Variants in CEP70 observed in about 807,000 individuals in gnomAD.
CEP70 encodes centrosomal protein 70.
Under a neutral mutation model 90.9 loss-of-function variants are expected in CEP70, and 70 were observed. That is an observed-to-expected ratio of 0.77 (90% CI 0.64 to 0.94). CEP70 has a LOEUF of 0.94. Ranked by LOEUF, CEP70 falls within the 40% of genes least tolerant of loss-of-function variation. CEP70 has a pLI of 0.00. For missense variants in CEP70, 648 were observed against 669.0 expected, an observed-to-expected ratio of 0.97 and a Z score of 0.35; for synonymous variants, 220 against 228.3, an observed-to-expected ratio of 0.96 and a Z score of 0.33.
At chr3:138,580,061 G>T (rs769142134) in intron 2 of CEP70, among the ~76,000 whole-genome samples, 1 of 152,002 alleles carries the variant, frequency 6.6e-6, no homozygotes, top group Non-Finnish European at 1.5e-5. Context: ...GAACCTAGGC[G>T]GTACCCTGGC....
chr3:138,561,222 A>C (rs1410007381), intron 6 of CEP70, among the ~76,000 whole-genome samples: 1 of 151,880 alleles, frequency 6.6e-6, no homozygotes, highest in African/African-American at 2.4e-5. Context: ...CTGTTCTGCA[A>C]CCTCTGCTGG....
At chr3:138,539,100 C>T (rs1298813272) in intron 6 of CEP70, among the ~76,000 whole-genome samples, 4 of 152,140 alleles carry the variant, frequency 2.6e-5, no homozygotes, top group African/African-American at 9.7e-5. Context: ...GCAACTTCCA[C>T]GTCCTGGGTT....
chr3:138,546,367 TCTTGTCATCAGCAAGATATCA>T (rs1229364342), intron 6 of CEP70, among the ~76,000 whole-genome samples: 1 of 152,240 alleles, frequency 6.6e-6, no homozygotes, highest in Non-Finnish European at 1.5e-5. Flanking sequence ...CAATTTATTC[TCTTGTCATCAGCAAGATATCA>T]CTTGCCTGGT....
At chr3:138,531,768 G>A (rs539646489) in intron 8 of CEP70, 8 of 142,046 alleles carry the variant, frequency 5.6e-5, no homozygotes, top group African/African-American at 8.0e-5. Flanking sequence ...ACAGAGCTCT[G>A]CCATTATTCT....
intron 6 of CEP70, among the ~76,000 whole-genome samples, chr3:138,539,033 G>C (rs1450525980): frequency 6.6e-6 from 1 of 152,102 alleles, no homozygotes; most frequent in African/African-American, 2.4e-5. Context: ...TTGTTTGTTT[G>C]AGACAGAGTC....
At chr3:138,495,116 T>C (rs750186775) in intron 17 of CEP70, 40 bp from the exon 18 acceptor site, 6 of 1,223,650 alleles carry the variant, frequency 4.9e-6, no homozygotes, top group Admixed American at 1.8e-5. Context: ...AGAGTAACTT[T>C]TTCTAGTGGT....
At chr3:138,495,431 A>G (rs2033892418) in intron 17 of CEP70, among the ~76,000 whole-genome samples, 1 of 152,214 alleles carries the variant, frequency 6.6e-6, no homozygotes, top group South Asian at 2.1e-4. Context: ...ACATGATGAA[A>G]TCCCAGGTAG....
rs1189794231 is a variant in CEP70 at position 138,591,888 on chromosome 3, C to T, written c.-40G>A. 1.3e-6 allele frequency: 2 copies of T among 1,507,472 alleles called. No homozygotes were observed. The highest frequency in any genetic ancestry group is 2.1e-5 in the Admixed American group (1 of 46,602). 93.4% of individuals were successfully genotyped at this position (1,507,472 alleles called of 1,614,324 possible). The stretch of plus-strand genomic sequence containing the variant: ...AGCATATTACTCTTGCACTTTACAC[C>T]TGGTCATTCAGGTTGATCTCAATGA... On this transcript the variant is annotated 5_prime_UTR_variant, in exon 2 of 18. Transcript: ENST00000264982.
intron 12 of CEP70, 100 bp from the exon 13 acceptor site, chr3:138,505,565 CAT>C: frequency 1.6e-6 from 1 of 631,078 alleles, no homozygotes; most frequent in African/African-American, 1.9e-5. Flanking sequence ...ATTATATACA[CAT>C]ATTTCATTAA....
intron 11 of CEP70, among the ~76,000 whole-genome samples, chr3:138,508,995 A>G (rs2607791): frequency 3.3e-5 from 5 of 152,130 alleles, no homozygotes; most frequent in Non-Finnish European, 7.4e-5. Context: ...AGCCTCCCAA[A>G]GTGTTGGGAT....
chr3:138,536,746 T>C (rs1003499803), intron 7 of CEP70, among the ~76,000 whole-genome samples: 2 of 146,090 alleles, frequency 1.4e-5, no homozygotes, highest in Non-Finnish European at 3.0e-5. Flanking sequence ...TCAGCTAGGT[T>C]AAAAAAAAAA....
intron 2 of CEP70, among the ~76,000 whole-genome samples, chr3:138,586,846 T>C (rs541687349): frequency 1.3e-5 from 2 of 152,338 alleles, no homozygotes; most frequent in South Asian, 4.1e-4. Context: ...GGATTGTTTC[T>C]AACACAAAGG....
At chr3:138,568,423 G>A (rs2040932425) in intron 6 of CEP70, among the ~76,000 whole-genome samples, 1 of 152,046 alleles carries the variant, frequency 6.6e-6, no homozygotes, top group African/African-American at 2.4e-5. Flanking sequence ...AAGATAAATA[G>A]ATATCTTCCC....
At chr3:138,586,131 C>G (rs115875055) in intron 2 of CEP70, among the ~76,000 whole-genome samples, 18 of 151,906 alleles carry the variant, frequency 1.2e-4, no homozygotes, top group Admixed American at 1.2e-3. Context: ...ACCCATCTGA[C>G]GAGGGTTAAT....
rs2035225667 is a variant in CEP70, at chr3:138,508,687, ATGTG to A, written c.945-147_945-144del. On this transcript the variant is annotated intron_variant, in intron 11 of 17. Transcript: ENST00000264982. ...TATGTGTGTGTGCACACATGTATGT[ATGTG>A]TATGTATAAACACATACATATATGC... 1.8e-5 allele frequency: 11 copies of A among 616,372 alleles called. No individual in the cohort carries two copies. In the South Asian group the frequency reaches 1.9e-4, roughly 10 times the overall value. The allele number at this position is 616,372 out of a possible 1,614,324, so 38.2% of individuals were successfully genotyped here. A position where few individuals can be genotyped will look rare whatever the true frequency, so the allele number is the denominator to read the frequency against.
chr3:138,520,155 C>A (rs2036473978), intron 11 of CEP70, among the ~76,000 whole-genome samples: 1 of 152,122 alleles, frequency 6.6e-6, no homozygotes, highest in African/African-American at 2.4e-5. Context: ...TATATGCATC[C>A]AATACAGGAG....
intron 2 of CEP70, among the ~76,000 whole-genome samples, chr3:138,574,152 G>A (rs1419071259): frequency 6.6e-6 from 1 of 152,204 alleles, no homozygotes; most frequent in Non-Finnish European, 1.5e-5. Flanking sequence ...GCCTCACCCA[G>A]GAAGTGCAAG....
At chr3:138,534,311 T>C (rs746295692) in intron 7 of CEP70, among the ~76,000 whole-genome samples, 3 of 152,166 alleles carry the variant, frequency 2.0e-5, no homozygotes, top group Non-Finnish European at 4.4e-5. Context: ...CCTTCCCCAA[T>C]TACTCTTTTT....
chr3:138,519,655 C>A (rs1049299410), intron 11 of CEP70, among the ~76,000 whole-genome samples: 1 of 152,158 alleles, frequency 6.6e-6, no homozygotes, highest in Non-Finnish European at 1.5e-5. Context: ...CACCACCAGG[C>A]CTGTCCTACA....
Sources: allele counts gnomAD v4.1 joint callset (sites outside exome capture counted in the v4.1 genomes callset), GRCh38; gene constraint gnomAD v4.1.1; transcripts MANE v1.5; gene names NCBI Gene and HGNC (gene_info 2026-07-23, HGNC 2026-07-21).